GRXCR2: variants seen among roughly 807,000 people sequenced by gnomAD.
GRXCR2 encodes glutaredoxin and cysteine rich domain containing 2.
In GRXCR2, 23 loss-of-function variants were observed where a neutral mutation model predicts 24.8. The ratio of observed to expected loss-of-function variants is 0.93; its 90% CI spans 0.67 to 1.32. The LOEUF (loss-of-function observed/expected upper bound fraction) is 1.32. Ranked by LOEUF, GRXCR2 falls within the 40% of genes most tolerant of loss-of-function variation. The probability of loss-of-function intolerance (pLI) is 0.00; values close to 1 mark genes in which losing one functional copy is unlikely to be tolerated. For missense variants in GRXCR2, 315 were observed against 303.4 expected (o/e 1.04, Z -0.28); for synonymous variants, 130 against 116.1 (o/e 1.12, Z -0.77).
chr5:145,889,173 AAAG>A lies in GRXCR2; in HGVS notation c.-69-22448_-69-22446del, dbSNP rs1554105332. Among the ~76,000 whole-genome samples, 165 of 39,426 alleles carry A rather than the reference AAAG, an allele frequency of 4.2e-3. 4 individuals are homozygous for A. The highest frequency in any genetic ancestry group is 0.017 in the African/African-American group (156 of 9,408). 25.9% of individuals were successfully genotyped at this position (39,426 alleles called of 152,430 possible). ...GACAGACCGAGACTCTGTCTCAAAA[AAAG>A]AAAGAAAGAAAGAAAGAAAGAAAGA... On this transcript the variant is annotated intron_variant, in intron 2 of 3. Transcript: ENST00000639411.
At chr5:145,923,008 CCTG>C (rs148121817) in intron 2 of GRXCR2, among the ~76,000 whole-genome samples, 2,536 of 152,324 alleles carry the variant, frequency 0.017, 19 homozygotes, top group Middle Eastern at 0.044. Flanking sequence ...AAAAGGTGGC[CCTG>C]GATCACCACA....
At chr5:145,913,949 C>A (rs567240641) in intron 2 of GRXCR2, among the ~76,000 whole-genome samples, 15 of 152,304 alleles carry the variant, frequency 9.8e-5, no homozygotes, top group Middle Eastern at 6.8e-3. Flanking sequence ...CACACTCAGG[C>A]GTTTTGATTT....
chr5:145,909,074 C>T (rs1757127938), intron 2 of GRXCR2, among the ~76,000 whole-genome samples: 1 of 152,158 alleles, frequency 6.6e-6, no homozygotes, highest in South Asian at 2.1e-4. Context: ...GGGATGATAA[C>T]ACTTCTTGTC....
chr5:145,906,772 T>TAAGC (rs1757094659), intron 2 of GRXCR2, among the ~76,000 whole-genome samples: 1 of 152,188 alleles, frequency 6.6e-6, no homozygotes, highest in Admixed American at 6.5e-5. Context: ...TAGACAAAAG[T>TAAGC]TCCTTCCCTC....
In GRXCR2 at chr5:145,908,994, A is replaced by G. The variant is rs149667031; in HGVS notation, c.-70+26707T>C. 1.1e-3 allele frequency among the ~76,000 whole-genome samples: 163 copies of G among 152,288 alleles called. 1 individual carries two copies. The highest frequency in any genetic ancestry group is 3.9e-3 in the African/African-American group (161 of 41,548). On this transcript the variant is annotated intron_variant, in intron 2 of 3. Coordinates refer to the GRXCR2 transcript ENST00000639411. Reference sequence around the variant, plus strand: ...TCTGGGTTCAAATCCCATCTCTGCCACTCATTTGCTGGGTGAGCTTAAGCA... The same window carrying G: ...TCTGGGTTCAAATCCCATCTCTGCCGCTCATTTGCTGGGTGAGCTTAAGCA...
At chr5:145,866,809 G>A in intron 1 of GRXCR2, 81 bp from the exon 2 acceptor site, 1 of 851,486 alleles carries the variant, frequency 1.2e-6, no homozygotes, top group South Asian at 1.6e-5. Flanking sequence ...AACATACCAG[G>A]AAACAGCAGA....
Position 145,860,036 on chromosome 5 carries a change from C to T in GRXCR2, c.565-121G>A, listed in dbSNP as rs140843458. ...GCAGAATAGAGGAAAATGCTTCCCACGAATGTCAGTGAGAGAATCATCTGG... is the reference window on the plus strand; with the variant it reads ...GCAGAATAGAGGAAAATGCTTCCCATGAATGTCAGTGAGAGAATCATCTGG... On this transcript the variant is annotated intron_variant, in intron 2 of 2. Coordinates refer to ENST00000377976, the MANE Select transcript of GRXCR2 (RefSeq NM_001080516.2). 6.9e-3 allele frequency: 5,034 copies of T among 733,620 alleles called. 27 individuals carry two copies. The highest frequency in any genetic ancestry group is 8.6e-3 in the Non-Finnish European group (4,013 of 467,612). 45.4% of individuals were successfully genotyped at this position (733,620 alleles called of 1,614,324 possible).
intron 1 of GRXCR2, 28 bp downstream of exon 1, chr5:145,872,605 A>G (rs758019368): frequency 1.2e-5 from 18 of 1,532,614 alleles, no homozygotes; most frequent in Non-Finnish European, 1.1e-5. Context: ...CCTACCCTTA[A>G]AGCCTATATG....
intron 2 of GRXCR2, among the ~76,000 whole-genome samples, chr5:145,909,154 A>G (rs1757129760): frequency 6.6e-6 from 1 of 152,240 alleles, no homozygotes; most frequent in South Asian, 2.1e-4. Flanking sequence ...TACACAGCAC[A>G]TCATACTCAA....
intron 2 of GRXCR2, among the ~76,000 whole-genome samples, chr5:145,860,981 T>A (rs1001250188): frequency 6.6e-6 from 1 of 152,086 alleles, no homozygotes; most frequent in Non-Finnish European, 1.5e-5. Flanking sequence ...AAAGCTATCT[T>A]AAGGAAATTG....
intron 2 of GRXCR2, among the ~76,000 whole-genome samples, chr5:145,880,079 C>A (rs1188348930): frequency 6.6e-6 from 1 of 152,136 alleles, no homozygotes; most frequent in African/African-American, 2.4e-5. Flanking sequence ...TAAATGCCCA[C>A]AAGAGAAAGC....
rs1756298072 is a variant in GRXCR2, at chr5:145,859,755, G to C, written c.725C>G (p.Pro242Arg). 6.2e-7 allele frequency: 1 copy of C among 1,614,056 alleles called. No homozygotes were observed. The highest frequency in any genetic ancestry group is 1.3e-5 in the African/African-American group (1 of 74,940). The change falls in exon 3 of 3, where the codon CCT (proline) becomes CGT (arginine). Residue 242 changes from proline (P) to arginine (R), a missense_variant. Coordinates refer to ENST00000377976, the MANE Select transcript of GRXCR2 (RefSeq NM_001080516.2). ...GGGCTATTGATTGCAAATCTGGCAA[G>C]GCTGTAGGCCATTCTCATTGCAGGC... ...CPACNENGLQ[P>R]CQICNQ
chr5:145,917,970 G>T (rs920181721), intron 2 of GRXCR2, among the ~76,000 whole-genome samples: 1 of 152,106 alleles, frequency 6.6e-6, no homozygotes, highest in Non-Finnish European at 1.5e-5. Context: ...AGTAGAGACG[G>T]GGCTTCACCA....
chr5:145,920,970 C>T (rs1000143645), intron 2 of GRXCR2, among the ~76,000 whole-genome samples: 1 of 152,358 alleles, frequency 6.6e-6, no homozygotes, highest in Middle Eastern at 3.4e-3. Flanking sequence ...AATCTGTCAG[C>T]CCACTGATCT....
chr5:145,887,397 T>A (rs1389241262), intron 2 of GRXCR2, among the ~76,000 whole-genome samples: 1 of 152,252 alleles, frequency 6.6e-6, no homozygotes, highest in Non-Finnish European at 1.5e-5. Context: ...ATTAGACAGC[T>A]AGTCAAAGGT....
chr5:145,872,277 G>A lies in GRXCR2; in HGVS notation c.336+356C>T, dbSNP rs539064809. ...ACTTTCAAATACTCAGCTCTTTCAG[G>A]AAACAAAATGACTGCATAATTGTCT... On this transcript the variant is annotated intron_variant, in intron 1 of 2. Coordinates refer to ENST00000377976, the MANE Select transcript of GRXCR2 (RefSeq NM_001080516.2). Among the ~76,000 whole-genome samples the A allele has an allele frequency of 3.3e-5, 5 of 151,140 alleles. No individual in the cohort carries two copies. In the South Asian group the frequency reaches 1.1e-3, roughly 33 times the overall value.
At chr5:145,879,457 G>A (rs1756668248) in intron 2 of GRXCR2, among the ~76,000 whole-genome samples, 1 of 151,292 alleles carries the variant, frequency 6.6e-6, no homozygotes, top group African/African-American at 2.4e-5. Flanking sequence ...GACAAAGAAG[G>A]CCATTACATA....
At chr5:145,878,546 G>A (rs907378438) in intron 2 of GRXCR2, among the ~76,000 whole-genome samples, 1 of 152,112 alleles carries the variant, frequency 6.6e-6, no homozygotes, top group African/African-American at 2.4e-5. Flanking sequence ...ATGGGACTAT[G>A]TGAAAAGACC....
intron 2 of GRXCR2, among the ~76,000 whole-genome samples, chr5:145,930,769 T>C (rs888607812): frequency 1.3e-5 from 2 of 152,212 alleles, no homozygotes; most frequent in Admixed American, 6.5e-5. Context: ...CTGGTTCTTT[T>C]ATGAGATCTA....
Sources: gnomAD v4.1 joint callset for allele counts (sites outside exome capture counted in the v4.1 genomes callset) on GRCh38, gnomAD v4.1.1 for gene constraint, MANE v1.5 for transcripts, NCBI Gene and HGNC (gene_info 2026-07-23, HGNC 2026-07-21) for gene names.